Variants in GSE1 observed in about 807,000 individuals in gnomAD.
GSE1 encodes Gse1 coiled-coil protein.
In GSE1, 32 loss-of-function variants were observed where a neutral mutation model predicts 112.6. That is an observed-to-expected ratio of 0.28 (90% CI 0.21 to 0.38). The LOEUF (loss-of-function observed/expected upper bound fraction) is 0.38, where lower values mean the gene tolerates loss of function less well. Ranked by LOEUF, GSE1 falls within the 10% of genes least tolerant of loss-of-function variation. The probability of loss-of-function intolerance (pLI) is 1.00; values close to 1 mark genes in which losing one functional copy is unlikely to be tolerated. For missense variants in GSE1, 2,348 were observed against 1,699.2 expected (o/e 1.38, Z -6.71); for synonymous variants, 1,115 against 735.6 (o/e 1.52, Z -8.35).
chr16:85,258,112 T>C (rs906359677), intron 1 of GSE1, among the ~76,000 whole-genome samples: 2 of 152,164 alleles, frequency 1.3e-5, no homozygotes, highest in South Asian at 4.1e-4. Flanking sequence ...AGGATCTCAA[T>C]TGAGGGGCAG....
At position 85,381,282 on chromosome 16, in the gene GSE1, G is replaced by A. The variant is rs114483718; in HGVS notation, c.2464+23639G>A. ...TTCATCCACGTTGCGGCCCGAATCC[G>A]AACTTCATCCCTTTTTATGGCCGAA... On this transcript the variant is annotated intron_variant, in intron 2 of 2. Coordinates refer to the GSE1 transcript ENST00000637419. Among the ~76,000 whole-genome samples the A allele has an allele frequency of 7.7e-3, 1,166 of 152,290 alleles. 11 individuals are homozygous for A. The highest frequency in any genetic ancestry group is 0.027 in the African/African-American group (1,122 of 41,548).
At chr16:85,195,397 G>C (rs1299426002) in intron 1 of GSE1, among the ~76,000 whole-genome samples, 1 of 152,200 alleles carries the variant, frequency 6.6e-6, no homozygotes, top group Non-Finnish European at 1.5e-5. Flanking sequence ...GGCTGGGACA[G>C]GGGTGGCAGC....
intron 2 of GSE1, among the ~76,000 whole-genome samples, chr16:85,516,238 C>T (rs1200516931): frequency 1.3e-5 from 2 of 152,100 alleles, no homozygotes; most frequent in Non-Finnish European, 2.9e-5. Flanking sequence ...TGATCTGGTG[C>T]CAGCACCTGT....
chr16:85,399,975 G>A (rs1283517665), intron 2 of GSE1, among the ~76,000 whole-genome samples: 1 of 152,202 alleles, frequency 6.6e-6, no homozygotes, highest in Non-Finnish European at 1.5e-5. Flanking sequence ...CCCATGGAGT[G>A]TGACCTGCCA....
Position 85,672,707 on chromosome 16 carries a change from G to C in GSE1, c.*168G>C, listed in dbSNP as rs1053395627. On this transcript the variant is annotated 3_prime_UTR_variant, in exon 16 of 16. Transcript: ENST00000253458. ...CAGAAAAAATGAATGAACTCACCTT[G>C]ACGTCAATGCAATTGAATCACCGTT... 1.5e-4 allele frequency: 68 copies of C among 454,592 alleles called. No individual in the cohort carries two copies. The highest frequency in any genetic ancestry group is 1.3e-3 in the African/African-American group (65 of 50,852). The allele number at this position is 454,592 out of a possible 1,614,324, so 28.2% of individuals were successfully genotyped here. A position where few individuals can be genotyped will look rare whatever the true frequency, so the allele number is the denominator to read the frequency against.
chr16:85,615,864 G>T (rs1351962423), intron 1 of GSE1, among the ~76,000 whole-genome samples: 1 of 152,224 alleles, frequency 6.6e-6, no homozygotes, highest in Non-Finnish European at 1.5e-5. Flanking sequence ...GAGCTCCCCA[G>T]CTGATCCTAA....
At chr16:85,627,509 A>G (rs2049176507) in intron 1 of GSE1, among the ~76,000 whole-genome samples, 1 of 151,580 alleles carries the variant, frequency 6.6e-6, no homozygotes, top group Non-Finnish European at 1.5e-5. Context: ...GGTGGGGGTC[A>G]AGGTGGCAGC....
chr16:85,454,967 C>G (rs980083152), intron 2 of GSE1, among the ~76,000 whole-genome samples: 1 of 152,186 alleles, frequency 6.6e-6, no homozygotes, highest in Admixed American at 6.5e-5. Context: ...ACAGATCTTT[C>G]TGGAGAGCCG....
rs1567471162 is a variant in GSE1, at chr16:85,419,861, G to A, written c.2464+62218G>A. ...AGGTGAAGTGGAGTGGGCAGCCAGG[G>A]CTGACCACCACTGCTCTGGGAGGGT... On this transcript the variant is annotated intron_variant, in intron 2 of 2. Coordinates refer to the GSE1 transcript ENST00000637419. This position sits in a 1 kb window ranked among gnomAD's most constrained non-coding sequence, Gnocchi z 6.5. Among the ~76,000 whole-genome samples the A allele has an allele frequency of 6.6e-6, 1 of 152,030 alleles. No homozygotes were observed. Among genetic ancestry groups the A allele is most frequent in the African/African-American group, 2.4e-5 (1 of 41,384 alleles).
chr16:85,195,482 C>G (rs756621457), intron 1 of GSE1, among the ~76,000 whole-genome samples: 2 of 152,152 alleles, frequency 1.3e-5, no homozygotes, highest in Admixed American at 6.5e-5. Flanking sequence ...TCACTTGCCT[C>G]GAGTCACGCA....
chr16:85,495,328 C>T (rs1223641518), intron 2 of GSE1, among the ~76,000 whole-genome samples: 2 of 151,974 alleles, frequency 1.3e-5, no homozygotes, highest in Non-Finnish European at 2.9e-5. Flanking sequence ...GCCTGTGGTT[C>T]GGTAGCGGCA....
At chr16:85,296,989 G>T (rs2045386872) in intron 1 of GSE1, among the ~76,000 whole-genome samples, 2 of 152,202 alleles carry the variant, frequency 1.3e-5, no homozygotes, top group Admixed American at 1.3e-4. Context: ...ACCTCACTCT[G>T]TGCCTGCTGG....
chr16:85,377,010 G>T (rs2047436302), intron 2 of GSE1, among the ~76,000 whole-genome samples: 1 of 152,194 alleles, frequency 6.6e-6, no homozygotes, highest in Admixed American at 6.5e-5. Context: ...GAGTGACCCA[G>T]GCCTGCCTCC....
intron 1 of GSE1, among the ~76,000 whole-genome samples, chr16:85,281,491 C>G (rs1440441585): frequency 1.3e-5 from 2 of 152,144 alleles, no homozygotes; most frequent in African/African-American, 4.8e-5. Flanking sequence ...GTCTTAAATG[C>G]CAGATGAGAA....
chr16:85,334,384 G>T (rs149370590), intron 1 of GSE1, among the ~76,000 whole-genome samples: 1 of 152,340 alleles, frequency 6.6e-6, no homozygotes, highest in Non-Finnish European at 1.5e-5. Flanking sequence ...GGGGAGCTGC[G>T]CTGGGGTTGC....
Position 85,671,112 on chromosome 16 carries a change from G to C in GSE1, c.3519+14G>C. 3 of 1,490,224 alleles carry C rather than the reference G, an allele frequency of 2.0e-6. No individual in the cohort carries two copies. Among genetic ancestry groups the C allele is most frequent in the Non-Finnish European group, 2.8e-6 (3 of 1,069,420 alleles). The allele number at this position is 1,490,224 out of a possible 1,614,324, so 92.3% of individuals were successfully genotyped here. On this transcript the variant is annotated intron_variant, in intron 15 of 15. Coordinates refer to ENST00000253458, the MANE Select transcript of GSE1 (RefSeq NM_014615.5). ...CACAGCGTGGCGGTGAGTTGGGAAG[G>C]GATGGAAACCTTCAAACACGCAACC...
intron 1 of GSE1, among the ~76,000 whole-genome samples, chr16:85,605,740 C>T (rs915030602): frequency 2.6e-5 from 4 of 151,960 alleles, no homozygotes; most frequent in East Asian, 3.9e-4. Flanking sequence ...GGGGTTAACA[C>T]GTCTGGCCCC....
intron 1 of GSE1, among the ~76,000 whole-genome samples, chr16:85,559,540 C>T (rs999000151): frequency 3.3e-5 from 5 of 152,242 alleles, no homozygotes; most frequent in African/African-American, 4.8e-5. Flanking sequence ...GCCCAGAACC[C>T]GCCTGTCCAG....
chr16:85,585,531 G>A (rs1265431657), intron 1 of GSE1, among the ~76,000 whole-genome samples: 4 of 152,208 alleles, frequency 2.6e-5, no homozygotes, highest in African/African-American at 9.7e-5. Context: ...GTTGCCTTTG[G>A]GGTGTCTTTC....
Sources: allele counts gnomAD v4.1 joint callset (sites outside exome capture counted in the v4.1 genomes callset), GRCh38; gene constraint gnomAD v4.1.1; non-coding constraint Gnocchi (gnomAD v3.1); transcripts MANE v1.5; gene names NCBI Gene and HGNC (gene_info 2026-07-23, HGNC 2026-07-21).